Variants in SEMA3E observed in about 807,000 individuals in gnomAD.
SEMA3E encodes semaphorin 3E.
In SEMA3E, 49 loss-of-function variants were observed where a neutral mutation model predicts 93.6. That is an observed-to-expected ratio of 0.52 (90% CI 0.42 to 0.66). The LOEUF (loss-of-function observed/expected upper bound fraction) is 0.66, where lower values mean the gene tolerates loss of function less well. Among genes scored for constraint, SEMA3E ranks in the 30% least tolerant of loss-of-function variants. The pLI is 0.00. For synonymous variants in SEMA3E, 363 were observed against 330.7 expected (o/e 1.10, Z -1.06); for missense variants, 906 against 964.8 (o/e 0.94, Z 0.81).
intron 1 of SEMA3E, among the ~76,000 whole-genome samples, chr7:83,617,608 A>T (rs1163119384): frequency 6.8e-6 from 1 of 146,670 alleles, no homozygotes; most frequent in Non-Finnish European, 1.5e-5. Flanking sequence ...TTATATAAGT[A>T]ATATATAATT....
At chr7:83,482,668 TTTCATTACATC>T (rs1207320490) in intron 2 of SEMA3E, among the ~76,000 whole-genome samples, 1 of 151,888 alleles carries the variant, frequency 6.6e-6, no homozygotes, top group Non-Finnish European at 1.5e-5. Flanking sequence ...ACTTTCACTC[TTTCATTACATC>T]TTCAAAGATG....
At position 83,456,840 on chromosome 7, in the gene SEMA3E, C is replaced by T. The variant is rs377663649; in HGVS notation, c.456+9642G>A. Among the ~76,000 whole-genome samples, 750 of 152,150 alleles carry T rather than the reference C, an allele frequency of 4.9e-3. 7 individuals carry two copies. Among genetic ancestry groups the T allele is most frequent in the African/African-American group, 0.017 (705 of 41,510 alleles). ...TGTTGGCCAGGCTGGTCTTGAACTC[C>T]TGACCTCAGGTGATCTGTCAGCCTT... On this transcript the variant is annotated intron_variant, in intron 4 of 16. Coordinates refer to ENST00000643230, the MANE Select transcript of SEMA3E (RefSeq NM_012431.3).
At chr7:83,619,908 T>TAGAC (rs1554344947) in intron 1 of SEMA3E, among the ~76,000 whole-genome samples, 2 of 121,468 alleles carry the variant, frequency 1.6e-5, no homozygotes, top group East Asian at 5.5e-4. Flanking sequence ...GATAGACAGA[T>TAGAC]AGATAGATAG....
chr7:83,634,125 C>G (rs1276642550), intron 1 of SEMA3E, among the ~76,000 whole-genome samples: 1 of 152,126 alleles, frequency 6.6e-6, no homozygotes, highest in Admixed American at 6.6e-5. Context: ...CAATATATTA[C>G]TATTACTATT....
chr7:83,418,130 C>T (rs1300596093), intron 5 of SEMA3E, among the ~76,000 whole-genome samples: 2 of 152,110 alleles, frequency 1.3e-5, no homozygotes, highest in African/African-American at 4.8e-5. Context: ...CATCACATGA[C>T]ACCAAATACA....
chr7:83,373,656 T>C (rs1794780065), intron 16 of SEMA3E, among the ~76,000 whole-genome samples: 1 of 152,070 alleles, frequency 6.6e-6, no homozygotes, highest in African/African-American at 2.4e-5. Context: ...AGAAAGTCAT[T>C]ATAAATAACT....
intron 2 of SEMA3E, among the ~76,000 whole-genome samples, chr7:83,472,327 T>C (rs1345367223): frequency 6.6e-6 from 1 of 152,182 alleles, no homozygotes; most frequent in African/African-American, 2.4e-5. Flanking sequence ...GAGATGCTAT[T>C]ATTTTGGGAG....
intron 4 of SEMA3E, among the ~76,000 whole-genome samples, chr7:83,429,111 T>A (rs1788831981): frequency 6.6e-6 from 1 of 152,190 alleles, no homozygotes; most frequent in African/African-American, 2.4e-5. Context: ...CAAAAAAATC[T>A]TATTTTATCA....
At chr7:83,444,918 G>C (rs1168397657) in intron 4 of SEMA3E, among the ~76,000 whole-genome samples, 1 of 152,100 alleles carries the variant, frequency 6.6e-6, no homozygotes, top group African/African-American at 2.4e-5. Flanking sequence ...TGATGCGCCC[G>C]TTTTGGCCTC....
chr7:83,552,570 T>C (rs1420800295), intron 1 of SEMA3E, among the ~76,000 whole-genome samples: 1 of 152,174 alleles, frequency 6.6e-6, no homozygotes, highest in Non-Finnish European at 1.5e-5. Context: ...GATGTGCAAG[T>C]AGGGAAGATA....
chr7:83,505,058 A>G (rs1235299488), intron 1 of SEMA3E, among the ~76,000 whole-genome samples: 3 of 152,214 alleles, frequency 2.0e-5, no homozygotes, highest in Admixed American at 6.5e-5. Context: ...TGGTTTCTTC[A>G]TGGATTAAGA....
At chr7:83,423,667 CTAAT>C (rs1156696539) in intron 4 of SEMA3E, among the ~76,000 whole-genome samples, 2 of 108,468 alleles carry the variant, frequency 1.8e-5, no homozygotes, top group African/African-American at 3.0e-5. Flanking sequence ...CCACGCCCGG[CTAAT>C]TTTTTTTTTT....
At position 83,474,132 on chromosome 7, in the gene SEMA3E, T is replaced by A. The variant is rs367779550; in HGVS notation, c.277-4830A>T. Among the ~76,000 whole-genome samples, 394 of 149,820 alleles carry A rather than the reference T, an allele frequency of 2.6e-3. 3 individuals are homozygous for A. Among genetic ancestry groups the A allele is most frequent in the African/African-American group, 9.0e-3 (365 of 40,722 alleles). On this transcript the variant is annotated intron_variant, in intron 2 of 16. Transcript: ENST00000643230. ...AAAAAAAAAAGAAAAATAAGACGTATGCTTTTTCTTTTTCTTAAAGCCATG... is the reference window on the plus strand; with the variant it reads ...AAAAAAAAAAGAAAAATAAGACGTAAGCTTTTTCTTTTTCTTAAAGCCATG...
At chr7:83,385,566 T>A in intron 15 of SEMA3E, 133 bp from the exon 16 acceptor site, 1 of 1,011,932 alleles carries the variant, frequency 9.9e-7, no homozygotes, top group Non-Finnish European at 1.5e-6. Context: ...AAAGGTAATT[T>A]AAAGGAATTA....
At chr7:83,574,849 G>A (rs1440735346) in intron 1 of SEMA3E, among the ~76,000 whole-genome samples, 2 of 152,140 alleles carry the variant, frequency 1.3e-5, no homozygotes, top group African/African-American at 4.8e-5. Flanking sequence ...TCACATGGGA[G>A]AGGCCAGCAG....
At chr7:83,466,780 T>C (rs1279198519) in intron 3 of SEMA3E, among the ~76,000 whole-genome samples, 179 bp from the exon 4 acceptor site, 1 of 152,178 alleles carries the variant, frequency 6.6e-6, no homozygotes, top group Admixed American at 6.5e-5. Flanking sequence ...ACTGGGGTGA[T>C]TGAAACACAT....
chr7:83,487,890 G>A (rs1329242740), intron 2 of SEMA3E, among the ~76,000 whole-genome samples: 1 of 152,022 alleles, frequency 6.6e-6, no homozygotes, highest in Non-Finnish European at 1.5e-5. Flanking sequence ...ATAGAAAAAG[G>A]ATTAAAAAGA....
chr7:83,633,257 CA>C (rs1162736291), intron 1 of SEMA3E, among the ~76,000 whole-genome samples: 3 of 152,044 alleles, frequency 2.0e-5, no homozygotes, highest in Non-Finnish European at 4.4e-5. Context: ...ACCTTCTTAG[CA>C]ATTACTATGT....
intron 9 of SEMA3E, among the ~76,000 whole-genome samples, chr7:83,403,910 A>C (rs1788278275): frequency 6.6e-6 from 1 of 151,968 alleles, no homozygotes; most frequent in Admixed American, 6.6e-5. Flanking sequence ...TCTCAGATTT[A>C]TATAAATTGA....
Sources: gnomAD v4.1 joint callset for allele counts (sites outside exome capture counted in the v4.1 genomes callset) on GRCh38, gnomAD v4.1.1 for gene constraint, MANE v1.5 for transcripts, NCBI Gene and HGNC (gene_info 2026-07-23, HGNC 2026-07-21) for gene names.